The following KMT2C variants were observed in gnomAD, a reference collection of about 807,000 sequenced individuals.
The protein encoded by KMT2C is histone-lysine N-methyltransferase 2C.
Under a neutral mutation model 507.9 loss-of-function variants are expected in KMT2C, and 88 were observed. That is an observed-to-expected ratio of 0.17 (90% CI 0.15 to 0.21). The LOEUF is 0.21. Among genes scored for constraint, KMT2C ranks in the 10% least tolerant of loss-of-function variants. The pLI, the probability that KMT2C is intolerant of heterozygous loss-of-function variation, is 1.00. For synonymous variants in KMT2C, 2,049 were observed against 2,080.8 expected (o/e 0.98, Z 0.42); for missense variants, 4,954 against 5,957.8 (o/e 0.83, Z 5.55).
intron 46 of KMT2C, among the ~76,000 whole-genome samples, chr7:152,155,662 A>C (rs571380028): frequency 2.0e-5 from 3 of 152,232 alleles, no homozygotes; most frequent in South Asian, 4.1e-4. Flanking sequence ...TAGATTAAAT[A>C]ATCTAATACT....
chr7:152,187,964 T>G (rs1027013492), intron 31 of KMT2C, 117 bp from the exon 32 acceptor site: 28 of 923,770 alleles, frequency 3.0e-5, no homozygotes, highest in African/African-American at 2.9e-4. Flanking sequence ...AAACACACAT[T>G]TTTTTCAACT....
intron 3 of KMT2C, among the ~76,000 whole-genome samples, chr7:152,330,111 T>TC (rs2096867107): frequency 8.8e-6 from 1 of 113,856 alleles, no homozygotes; most frequent in Non-Finnish European, 1.6e-5. Context: ...ACCACTGCAC[T>TC]CCAGCTTGGT....
At chr7:152,307,928 C>T (rs186407507) in intron 6 of KMT2C, among the ~76,000 whole-genome samples, 86 of 152,272 alleles carry the variant, frequency 5.6e-4, no homozygotes, top group Middle Eastern at 6.8e-3. Context: ...TTGTTACCTT[C>T]CCTGTAATAC....
At chr7:152,211,774 C>A (rs188375649) in intron 23 of KMT2C, among the ~76,000 whole-genome samples, 1 of 152,314 alleles carries the variant, frequency 6.6e-6, no homozygotes, top group Non-Finnish European at 1.5e-5. Flanking sequence ...ATCGGCCAGG[C>A]ACGGTGGCTC....
intron 1 of KMT2C, among the ~76,000 whole-genome samples, chr7:152,374,255 G>T (rs1163126418): frequency 6.6e-6 from 1 of 151,978 alleles, no homozygotes; most frequent in Non-Finnish European, 1.5e-5. Context: ...GGTGGAGGTT[G>T]CAGTGACCCG....
At position 152,174,153 on chromosome 7, in the gene KMT2C, T is replaced by C. The variant is rs750388935; in HGVS notation, c.9352A>G (p.Met3118Val). Reference protein sequence around the residue: ...NKVMAQNNLGMPPMVMSRFPF... With the variant: ...NKVMAQNNLGVPPMVMSRFPF... ...TACCTGCTCATCACCATTGGTGGCA[T>C]GCCCAGATTGTTTTGTGCCATCACT... The change falls in exon 39 of 59, where the codon ATG (methionine) becomes GTG (valine). Residue 3118 changes from methionine to valine, a missense_variant. Met to Val is a conservative substitution (Grantham distance 21). Transcript: ENST00000262189. 6.2e-7 allele frequency: 1 copy of C among 1,608,010 alleles called. No individual in the cohort carries two copies. The highest frequency in any genetic ancestry group is 8.5e-7 in the Non-Finnish European group (1 of 1,176,088).
intron 27 of KMT2C, among the ~76,000 whole-genome samples, chr7:152,197,453 C>T (rs2093997959): frequency 6.6e-6 from 1 of 151,972 alleles, no homozygotes; most frequent in South Asian, 2.1e-4. Context: ...AGTCTTGGTC[C>T]CATTATATAG....
chr7:152,199,719 A>G (rs750473052), intron 26 of KMT2C, among the ~76,000 whole-genome samples: 1 of 152,184 alleles, frequency 6.6e-6, no homozygotes, highest in African/African-American at 2.4e-5. Context: ...CAATTATACC[A>G]AAGGTTTCTA....
chr7:152,199,411 T>A lies in KMT2C; in HGVS notation c.4141A>T (p.Ile1381Leu). The change falls in exon 27 of 59, where the codon ATA becomes TTA. Residue 1381 changes from isoleucine to leucine, a missense_variant. Physicochemically the swap from Ile to Leu is conservative, Grantham distance 5 (BLOSUM62 2). Coordinates refer to ENST00000262189, the MANE Select transcript of KMT2C (RefSeq NM_170606.3). The part of the protein sequence containing the change: ...DLLDTSRQSK[I>L]SLDNLSEDGA... ...TCTTCTGACAGATTATCTAAACTTA[T>A]CTTGCTTTGTCTACTTGTATCTAGA... The A allele has an allele frequency of 6.3e-7, 1 of 1,591,532 alleles. No homozygotes were observed. The highest frequency in any genetic ancestry group is 1.4e-5 in the African/African-American group (1 of 73,494).
chr7:152,381,652 G>T (rs969435766), intron 1 of KMT2C, among the ~76,000 whole-genome samples: 1 of 152,262 alleles, frequency 6.6e-6, no homozygotes, highest in Non-Finnish European at 1.5e-5. Context: ...TAGAAGTAAA[G>T]ATACCATGAA....
At chr7:152,232,291 T>A (rs538015640) in intron 16 of KMT2C, among the ~76,000 whole-genome samples, 5 of 146,080 alleles carry the variant, frequency 3.4e-5, no homozygotes, top group African/African-American at 1.2e-4. Context: ...AGGGAGTAAG[T>A]AAAGCAATGA....
intron 1 of KMT2C, among the ~76,000 whole-genome samples, chr7:152,400,594 C>T (rs10242533): frequency 0.049 from 7,485 of 152,246 alleles, 648 homozygotes; most frequent in African/African-American, 0.17. Flanking sequence ...TGAGGGAAAA[C>T]AATTTTCAGC....
chr7:152,144,103 T>C lies in KMT2C; in HGVS notation c.14343+610A>G, dbSNP rs1288804811. 6.6e-6 allele frequency among the ~76,000 whole-genome samples: 1 copy of C among 152,200 alleles called. No individual in the cohort carries two copies. Among genetic ancestry groups the C allele is most frequent in the African/African-American group, 2.4e-5 (1 of 41,440 alleles). On this transcript the variant is annotated intron_variant, in intron 55 of 58. Transcript: ENST00000262189. The surrounding 1 kb of genome is among the most constrained non-coding windows in gnomAD (Gnocchi z 4.4). ...AAGGAGCTTGTAGGATGGCGGGGTTTAGGAGCTGGACAAGTTTGACAAAGT... is the reference window on the plus strand; with the variant it reads ...AAGGAGCTTGTAGGATGGCGGGGTTCAGGAGCTGGACAAGTTTGACAAAGT...
At chr7:152,381,367 G>C (rs1455341010) in intron 1 of KMT2C, among the ~76,000 whole-genome samples, 1 of 150,938 alleles carries the variant, frequency 6.6e-6, no homozygotes, top group East Asian at 1.9e-4. Context: ...GAGGGGGGGA[G>C]GGGTGCGGGT....
chr7:152,255,122 T>TATATAC (rs2095630381), intron 9 of KMT2C, among the ~76,000 whole-genome samples: 1 of 111,590 alleles, frequency 9.0e-6, no homozygotes, highest in Admixed American at 8.4e-5. Context: ...TATATATATA[T>TATATAC]ATATATATAT....
intron 1 of KMT2C, among the ~76,000 whole-genome samples, chr7:152,375,090 T>A (rs1414508666): frequency 2.6e-5 from 4 of 152,234 alleles, no homozygotes; most frequent in Non-Finnish European, 5.9e-5. Context: ...CTGCCCAAAC[T>A]GGACTGCAGT....
At chr7:152,269,836 G>T (rs2095928148) in intron 7 of KMT2C, among the ~76,000 whole-genome samples, 1 of 152,130 alleles carries the variant, frequency 6.6e-6, no homozygotes, top group South Asian at 2.1e-4. Flanking sequence ...GAAACAAAAT[G>T]ATCATCTTTA....
At chr7:152,311,681 G>C (rs1589114562) in intron 5 of KMT2C, 117 bp downstream of exon 5, 2 of 737,210 alleles carry the variant, frequency 2.7e-6, no homozygotes, top group Middle Eastern at 3.8e-4. Context: ...TTTTTTTATA[G>C]TATGATTATA....
chr7:152,287,515 T>C (rs1318947794), intron 6 of KMT2C, among the ~76,000 whole-genome samples: 1 of 152,080 alleles, frequency 6.6e-6, no homozygotes, highest in African/African-American at 2.4e-5. Context: ...TTCAGATAAA[T>C]CCTACTAAAA....
Sources: allele counts gnomAD v4.1 joint callset (sites outside exome capture counted in the v4.1 genomes callset), GRCh38; gene constraint gnomAD v4.1.1; non-coding constraint Gnocchi (gnomAD v3.1); transcripts MANE v1.5; gene names NCBI Gene and HGNC (gene_info 2026-07-23, HGNC 2026-07-21).